TTLL8: variants seen among roughly 807,000 people sequenced by gnomAD.
TTLL8 encodes protein monoglycylase TTLL8.
A neutral mutation model predicts 77.8 loss-of-function variants in TTLL8; 65 were observed. The observed-to-expected ratio is 0.84, with a 90% confidence interval of 0.68 to 1.03. The LOEUF (loss-of-function observed/expected upper bound fraction) is 1.03, where lower values mean the gene tolerates loss of function less well. Among genes scored for constraint, TTLL8 ranks in the 50% least tolerant of loss-of-function variants. The probability of loss-of-function intolerance (pLI) is 0.00; values close to 1 mark genes in which losing one functional copy is unlikely to be tolerated. For synonymous variants in TTLL8, 402 were observed against 422.8 expected (o/e 0.95, Z 0.60); for missense variants, 910 against 1,004.5 (o/e 0.91, Z 1.27).
At chr22:50,021,949 T>TGAC (rs2061204494) in intron 12 of TTLL8, among the ~76,000 whole-genome samples, 1 of 140,870 alleles carries the variant, frequency 7.1e-6, no homozygotes, top group Non-Finnish European at 1.5e-5. Flanking sequence ...GTCCTCCATC[T>TGAC]GACGTGCACT....
intron 4 of TTLL8, 75 bp downstream of exon 6, chr22:50,047,093 G>A (rs1410280478): frequency 1.5e-6 from 2 of 1,329,544 alleles, no homozygotes; most frequent in African/African-American, 1.5e-5. Context: ...AGCCACCGAG[G>A]GTCCCTAATG....
chr22:50,054,633 T>C (rs17013085), upstream of TTLL8: 32,061 of 219,536 alleles, frequency 0.15, 2,654 homozygotes, highest in South Asian at 0.21. Context: ...TCATGCTTCC[T>C]GTGGGGATAA....
At position 50,041,865 on chromosome 22, in the gene TTLL8, G is replaced by C. The variant is rs936181598; in HGVS notation, c.644-58C>G. ...ACCTCACCCAGGGGCAGCCCTGCCC[G>C]CCTCGAGGGGTGATGTCTAAAGTCA... On this transcript the variant is annotated intron_variant, in intron 6 of 13. Transcript: ENST00000266182. This position sits in a 1 kb window ranked among gnomAD's most constrained non-coding sequence, Gnocchi z 4.3. The C allele has an allele frequency of 7.8e-7, 1 of 1,287,286 alleles. No homozygotes were observed. The highest frequency in any genetic ancestry group is 1.0e-6 in the Non-Finnish European group (1 of 984,554). The allele number at this position is 1,287,286 out of a possible 1,614,324, so 79.7% of individuals were successfully genotyped here.
chr22:50,052,972 A>G (rs1194111246), intron 1 of TTLL8, among the ~76,000 whole-genome samples: 1 of 152,224 alleles, frequency 6.6e-6, no homozygotes, highest in Non-Finnish European at 1.5e-5. Flanking sequence ...CAGTAATCCC[A>G]GCACTGTGGG....
At chr22:50,021,833 G>GTGCACTCCTCCATCTGATA (rs1216456538) in intron 12 of TTLL8, among the ~76,000 whole-genome samples, 1 of 139,430 alleles carries the variant, frequency 7.2e-6, no homozygotes, top group Non-Finnish European at 1.6e-5. Context: ...ATCTGACGAC[G>GTGCACTCCTCCATCTGATA]TGCACTCCTC....
upstream of TTLL8, chr22:50,055,275 T>C (rs559846497): frequency 3.9e-6 from 5 of 1,290,164 alleles, no homozygotes; most frequent in South Asian, 6.2e-5. Flanking sequence ...ATTTTGTATC[T>C]GTCTAATCTG....
chr22:50,031,115 CAAGG>C (rs2061288301), intron 11 of TTLL8, among the ~76,000 whole-genome samples, 190 bp from the exon 13 acceptor site: 1 of 152,126 alleles, frequency 6.6e-6, no homozygotes, highest in African/African-American at 2.4e-5. Flanking sequence ...TGCGGGGAAC[CAAGG>C]CTTCCTGAGG....
upstream of TTLL8, among the ~76,000 whole-genome samples, chr22:50,057,467 T>G (rs2061483680): frequency 4.4e-5 from 1 of 22,736 alleles, no homozygotes; most frequent in Non-Finnish European, 6.6e-5. Context: ...GGTTGGGGGA[T>G]CAGGTCTGGA....
At chr22:50,048,928 C>A (rs1361991262) in intron 3 of TTLL8, among the ~76,000 whole-genome samples, 1 of 152,264 alleles carries the variant, frequency 6.6e-6, no homozygotes, top group Non-Finnish European at 1.5e-5. Flanking sequence ...AACACACCAG[C>A]CGGGCTGTCC....
intron 12 of TTLL8, among the ~76,000 whole-genome samples, chr22:50,021,770 G>GACA: frequency 7.4e-6 from 1 of 134,654 alleles, no homozygotes; most frequent in South Asian, 2.6e-4. Flanking sequence ...TCCATCTGAC[G>GACA]TGCACTCCTC....
chr22:50,023,092 C>T (rs1424087835), intron 12 of TTLL8, among the ~76,000 whole-genome samples: 1 of 152,180 alleles, frequency 6.6e-6, no homozygotes, highest in African/African-American at 2.4e-5. Context: ...CAGGGCATTT[C>T]GCACATTTTA....
chr22:50,052,526 A>G (rs528608963), intron 1 of TTLL8, among the ~76,000 whole-genome samples: 15 of 152,338 alleles, frequency 9.8e-5, no homozygotes, highest in African/African-American at 3.1e-4. Context: ...ACCTGAATAC[A>G]TCAACGGTTT....
At chr22:50,027,640 A>C (rs574693614) in intron 12 of TTLL8, 1 of 985,360 alleles carries the variant, frequency 1.0e-6, no homozygotes, top group African/African-American at 1.7e-5. Flanking sequence ...ACAAGCTCCA[A>C]GGGCCAGCAC....
chr22:50,046,109 C>T (rs1404461199), intron 4 of TTLL8, 139 bp from the exon 7 acceptor site: 5 of 681,374 alleles, frequency 7.3e-6, no homozygotes, highest in Non-Finnish European at 1.1e-5. Context: ...GGATCCCTCC[C>T]CCTCCCCAGA....
chr22:50,057,608 C>T (rs1408349366), upstream of TTLL8, among the ~76,000 whole-genome samples: 1 of 18,200 alleles, frequency 5.5e-5, no homozygotes, highest in Non-Finnish European at 8.6e-5. Context: ...TTGGGTTGAG[C>T]GGGAGGTCTG....
intron 6 of TTLL8, among the ~76,000 whole-genome samples, chr22:50,045,032 G>A (rs756432851): frequency 3.3e-5 from 5 of 152,128 alleles, no homozygotes; most frequent in East Asian, 1.9e-4. Context: ...CCAGGGCTGC[G>A]TTAACTGCCA....
intron 12 of TTLL8, among the ~76,000 whole-genome samples, chr22:50,026,807 C>T (rs1486257255): frequency 6.6e-6 from 1 of 152,192 alleles, no homozygotes; most frequent in African/African-American, 2.4e-5. Flanking sequence ...AGAAAAACCA[C>T]CAAATGGCTA....
At chr22:50,045,967 C>T (rs774158813) in exon 5 of TTLL8, 25 of 1,352,692 alleles carry the variant, frequency 1.8e-5, no homozygotes, top group South Asian at 2.3e-5. Flanking sequence ...ACGCACAGCC[C>T]GATCTCCAGA....
At chr22:50,023,727 C>T (rs1440513654) in intron 12 of TTLL8, among the ~76,000 whole-genome samples, 1 of 146,994 alleles carries the variant, frequency 6.8e-6, no homozygotes. Context: ...AAATACTTAA[C>T]ATGAAAATTC....
Sources: gnomAD v4.1 joint callset for allele counts (sites outside exome capture counted in the v4.1 genomes callset) on GRCh38, gnomAD v4.1.1 for gene constraint, Gnocchi (gnomAD v3.1) non-coding constraint, MANE v1.5 for transcripts, NCBI Gene and HGNC (gene_info 2026-07-23, HGNC 2026-07-21) for gene names.